The following VWA8 variants were observed in gnomAD, a reference collection of about 807,000 sequenced individuals.
VWA8 encodes von Willebrand factor A domain-containing protein 8.
In VWA8, 221 loss-of-function variants were observed where a neutral mutation model predicts 241.5. The ratio of observed to expected loss-of-function variants is 0.91; its 90% CI spans 0.82 to 1.02. The LOEUF (loss-of-function observed/expected upper bound fraction) is 1.02. Among genes scored for constraint, VWA8 ranks in the 50% least tolerant of loss-of-function variants. The pLI is 0.00. For synonymous variants in VWA8, 852 were observed against 827.1 expected (o/e 1.03, Z -0.52); for missense variants, 2,322 against 2,328.7 (o/e 1.00, Z 0.06).
In VWA8 at chr13:41,691,411, G is replaced by C. The variant is rs1189167901; in HGVS notation, c.3775C>G (p.Arg1259Gly). Residue 1259 changes from arginine (R) to glycine (G), a missense_variant, in exon 32 of 45, where the codon CGA becomes GGA. By Grantham distance (125) the Arg-to-Gly change is moderately radical. Coordinates refer to ENST00000379310, the MANE Select transcript of VWA8 (RefSeq NM_015058.2). Reference sequence around the variant, plus strand: ...ATGGGAAGTGAGATGGTGTGAGTTCGCCCTTCTAGAACATCCAGCACAGTC... The same window carrying C: ...ATGGGAAGTGAGATGGTGTGAGTTCCCCCTTCTAGAACATCCAGCACAGTC... ...SLTVLDVLEG[R>G]THTISLPINL... 1 of 1,612,588 alleles carries C rather than the reference G, an allele frequency of 6.2e-7. No homozygotes were observed. Among genetic ancestry groups the C allele is most frequent in the East Asian group, 2.2e-5 (1 of 44,838 alleles).
intron 17 of VWA8, among the ~76,000 whole-genome samples, chr13:41,792,056 G>A (rs964496885): frequency 1.3e-5 from 2 of 151,768 alleles, no homozygotes; most frequent in African/African-American, 4.8e-5. Flanking sequence ...AATGATAGCT[G>A]ATTATTATTT....
At chr13:41,762,256 G>T (rs1453849857) in intron 20 of VWA8, among the ~76,000 whole-genome samples, 1 of 152,200 alleles carries the variant, frequency 6.6e-6, no homozygotes, top group South Asian at 2.1e-4. Flanking sequence ...CCCATACTGT[G>T]CCAGGCTGTA....
At chr13:41,718,985 C>T (rs1053540006) in intron 26 of VWA8, among the ~76,000 whole-genome samples, 3 of 151,822 alleles carry the variant, frequency 2.0e-5, no homozygotes, top group African/African-American at 7.3e-5. Flanking sequence ...CTAAAAAACT[C>T]TGTCAATTAC....
At chr13:41,707,805 C>G (rs757757948) in intron 26 of VWA8, among the ~76,000 whole-genome samples, 2 of 152,146 alleles carry the variant, frequency 1.3e-5, no homozygotes, top group Non-Finnish European at 2.9e-5. Context: ...CTCTGGCCTC[C>G]TTGGTGAAAT....
At chr13:41,890,790 G>T (rs191000526) in intron 5 of VWA8, among the ~76,000 whole-genome samples, 9 of 152,284 alleles carry the variant, frequency 5.9e-5, no homozygotes, top group African/African-American at 2.2e-4. Flanking sequence ...AGCTATCAGG[G>T]TTAGAGCATA....
intron 37 of VWA8, among the ~76,000 whole-genome samples, chr13:41,627,940 G>A (rs758266770): frequency 6.6e-6 from 1 of 152,166 alleles, no homozygotes; most frequent in Non-Finnish European, 1.5e-5. Context: ...GAGTCTGGAA[G>A]CAGGGAACAT....
rs372568072 is a variant in VWA8 at position 41,920,441 on chromosome 13, C to A, written c.242-8273G>T. Among the ~76,000 whole-genome samples the A allele has an allele frequency of 3.3e-5, 5 of 152,016 alleles. No individual in the cohort carries two copies. In the East Asian group the frequency reaches 5.8e-4, roughly 18 times the overall value. The stretch of plus-strand genomic sequence containing the variant: ...AGGGAAGAAATAACTAAGATCAGAG[C>A]AGAACTGAAGAAGATAGAGACACAA... On this transcript the variant is annotated intron_variant, in intron 2 of 44. Transcript: ENST00000379310.
intron 35 of VWA8, among the ~76,000 whole-genome samples, chr13:41,676,192 G>A (rs977555420): frequency 1.3e-5 from 2 of 152,162 alleles, no homozygotes; most frequent in African/African-American, 4.8e-5. Context: ...GACAAAGGGT[G>A]TATTTGTGGA....
In VWA8 at chr13:41,934,442, T is replaced by C. The variant is rs116663018; in HGVS notation, c.241+15494A>G. On this transcript the variant is annotated intron_variant, in intron 2 of 44. Coordinates refer to ENST00000379310, the MANE Select transcript of VWA8 (RefSeq NM_015058.2). ...AAAAAGTTAAACATCTACCGCATGA[T>C]GCAGGTATTTACACAAGAAAAAAGA... Among the ~76,000 whole-genome samples, 149 of 152,094 alleles carry C rather than the reference T, an allele frequency of 9.8e-4. 1 individual carries two copies. The highest frequency in any genetic ancestry group is 3.3e-3 in the African/African-American group (137 of 41,560).
intron 25 of VWA8, 32 bp from the exon 26 acceptor site, chr13:41,719,774 T>A (rs2045371304): frequency 6.4e-7 from 1 of 1,573,424 alleles, no homozygotes; most frequent in Non-Finnish European, 8.7e-7. Flanking sequence ...TTATTATGCA[T>A]GTGATAAAAT....
chr13:41,773,576 C>T (rs1297784190), intron 20 of VWA8, among the ~76,000 whole-genome samples: 1 of 152,146 alleles, frequency 6.6e-6, no homozygotes, highest in Admixed American at 6.5e-5. Context: ...CTACAGGTGG[C>T]TCTGTACTCC....
chr13:41,727,254 T>C lies in VWA8; in HGVS notation c.2698A>G (p.Ile900Val). Residue 900 changes from isoleucine to valine, a missense_variant, in exon 24 of 45, where the codon ATT (isoleucine) becomes GTT (valine). Ile to Val is a conservative substitution (Grantham distance 29). Coordinates refer to ENST00000379310, the MANE Select transcript of VWA8 (RefSeq NM_015058.2). ...VVVIHPDFRM[I>V]VLANRPGFPF... ...AATCCAGGTCTATTTGCCAGAACAA[T>C]CATCCTAAAATCAGGATGAATCACT... The C allele has an allele frequency of 6.4e-7, 1 of 1,555,590 alleles. No individual in the cohort carries two copies. Among genetic ancestry groups the C allele is most frequent in the Non-Finnish European group, 8.7e-7 (1 of 1,149,044 alleles).
At position 41,646,664 on chromosome 13, in the gene VWA8, T is replaced by C. The variant is rs7999973; in HGVS notation, c.4611+24282A>G. On this transcript the variant is annotated intron_variant, in intron 37 of 44. Transcript: ENST00000379310. ...ACAAAATTCAATGTTTTATAAAGCA[T>C]ATCATGGTTTAGGAAAGCAAGAAAT... Among the ~76,000 whole-genome samples the C allele has an allele frequency of 6.7e-4, 102 of 152,360 alleles. 1 individual carries two copies. Among genetic ancestry groups the C allele is most frequent in the Admixed American group, 2.4e-3 (36 of 15,306 alleles).
intron 20 of VWA8, among the ~76,000 whole-genome samples, chr13:41,767,664 C>CACAT (rs1229507344): frequency 6.6e-6 from 1 of 152,188 alleles, no homozygotes; most frequent in African/African-American, 2.4e-5. Context: ...TTAGAAAACA[C>CACAT]ACATTTCAAT....
At chr13:41,818,585 T>C (rs1301417521) in intron 15 of VWA8, among the ~76,000 whole-genome samples, 1 of 151,896 alleles carries the variant, frequency 6.6e-6, no homozygotes, top group Non-Finnish European at 1.5e-5. Flanking sequence ...ATAATAATAG[T>C]AATAATTTAA....
intron 4 of VWA8, among the ~76,000 whole-genome samples, chr13:41,902,854 A>T (rs1875521776): frequency 6.6e-6 from 1 of 152,146 alleles, no homozygotes; most frequent in Non-Finnish European, 1.5e-5. Flanking sequence ...CTGATATGTC[A>T]ATTCGTAATA....
At chr13:41,746,446 A>G (rs1454022902) in intron 21 of VWA8, among the ~76,000 whole-genome samples, 1 of 152,114 alleles carries the variant, frequency 6.6e-6, no homozygotes, top group Non-Finnish European at 1.5e-5. Context: ...TGTAGCTCTG[A>G]CTCATCAAAT....
chr13:41,778,701 T>G (rs1039972123), intron 19 of VWA8, among the ~76,000 whole-genome samples: 1 of 152,160 alleles, frequency 6.6e-6, no homozygotes. Flanking sequence ...ATATTCCTAT[T>G]ACTTTCTCTT....
chr13:41,936,196 G>A (rs1455291800), intron 2 of VWA8, among the ~76,000 whole-genome samples: 1 of 152,056 alleles, frequency 6.6e-6, no homozygotes, highest in African/African-American at 2.4e-5. Context: ...ATAGGTATTG[G>A]ACATTACGAT....
Sources: gnomAD v4.1 joint callset for allele counts (sites outside exome capture counted in the v4.1 genomes callset) on GRCh38, gnomAD v4.1.1 for gene constraint, MANE v1.5 for transcripts, NCBI Gene and HGNC (gene_info 2026-07-23, HGNC 2026-07-21) for gene names.